Variants in MAPK6 observed in about 807,000 individuals in gnomAD.
MAPK6 encodes the protein ERK-3.
A neutral mutation model predicts 59.3 loss-of-function variants in MAPK6; 19 were observed. That is an observed-to-expected ratio of 0.32 (90% CI 0.22 to 0.47). The LOEUF (loss-of-function observed/expected upper bound fraction) is 0.47. Ranked by LOEUF, MAPK6 falls within the 20% of genes least tolerant of loss-of-function variation. MAPK6 has a pLI of 1.00. For missense variants in MAPK6, 724 were observed against 847.9 expected (o/e 0.85, Z 1.81); for synonymous variants, 316 against 290.3 (o/e 1.09, Z -0.90).
chr15:51,993,175 C>T (rs2057215009), intron 2 of MAPK6, among the ~76,000 whole-genome samples: 1 of 152,266 alleles, frequency 6.6e-6, no homozygotes, highest in East Asian at 1.9e-4. Context: ...ATGCACCAAT[C>T]AGAGGAATTT....
chr15:51,993,644 A>G (rs2057216197), intron 2 of MAPK6, among the ~76,000 whole-genome samples: 1 of 152,192 alleles, frequency 6.6e-6, no homozygotes, highest in Admixed American at 6.6e-5. Context: ...AAAAGTTTAT[A>G]TATATAAATG....
In MAPK6 at chr15:52,038,103, C is replaced by T. The variant is rs1220285334; in HGVS notation, c.-631-7727C>T. Among the ~76,000 whole-genome samples the T allele has an allele frequency of 2.0e-5, 3 of 150,838 alleles. 1 individual carries two copies. In the East Asian group the frequency reaches 5.8e-4, roughly 29 times the overall value. ...GAAATGTTAGATAGGGAGGAATCCA[C>T]TACATGCCCCTGTGCTCCAGGAGTA... On this transcript the variant is annotated intron_variant, in intron 1 of 5. Coordinates refer to ENST00000261845, the MANE Select transcript of MAPK6 (RefSeq NM_002748.4).
intron 3 of MAPK6, among the ~76,000 whole-genome samples, chr15:52,051,412 G>A (rs2031775973): frequency 7.5e-6 from 1 of 133,656 alleles, no homozygotes. Flanking sequence ...GCTAAGAGCA[G>A]AAGGAAAGGA....
Position 52,065,913 on chromosome 15 carries a change from A to G in MAPK6, c.*913A>G, listed in dbSNP as rs1825895107. 6.6e-6 allele frequency: 1 copy of G among 152,614 alleles called. No homozygotes were observed. The highest frequency in any genetic ancestry group is 2.4e-5 in the African/African-American group (1 of 41,448). The allele number at this position is 152,614 out of a possible 1,614,324, so 9.5% of individuals were successfully genotyped here. On this transcript the variant is annotated 3_prime_UTR_variant, in exon 6 of 6. Transcript: ENST00000261845. ...TTTGGAGGTGCTTGATCTATCTACAAAGAAAAATTAATTAGGAATTACTTT... is the reference window on the plus strand; with the variant it reads ...TTTGGAGGTGCTTGATCTATCTACAGAGAAAAATTAATTAGGAATTACTTT...
rs2032414177 is a variant in MAPK6 at position 52,066,087 on chromosome 15, T to C, written c.*1087T>C. The C allele has an allele frequency of 6.6e-6, 1 of 152,670 alleles. No individual in the cohort carries two copies. 9.5% of individuals were successfully genotyped at this position (152,670 alleles called of 1,614,324 possible). A position where few individuals can be genotyped will look rare whatever the true frequency, so the allele number is the denominator to read the frequency against. ...ACATTTTGTTTTTACTGTATGTTTT[T>C]ACTGAATGATCTATTCCCCATCCCA... On this transcript the variant is annotated 3_prime_UTR_variant, in exon 6 of 6. Coordinates refer to ENST00000261845, the MANE Select transcript of MAPK6 (RefSeq NM_002748.4).
intron 3 of MAPK6, among the ~76,000 whole-genome samples, chr15:52,006,468 T>A (rs1014509827): frequency 6.6e-6 from 1 of 152,184 alleles, no homozygotes; most frequent in Non-Finnish European, 1.5e-5. Context: ...TCAACTAACA[T>A]TTTTTTGAGA....
chr15:52,028,078 G>A (rs140362195), intron 1 of MAPK6, among the ~76,000 whole-genome samples: 16 of 147,238 alleles, frequency 1.1e-4, no homozygotes, highest in African/African-American at 3.3e-4. Context: ...TCAGCTTTCC[G>A]AGTAGCTGGG....
At chr15:52,063,165 A>G (rs146552514) in intron 5 of MAPK6, among the ~76,000 whole-genome samples, 1 of 152,258 alleles carries the variant, frequency 6.6e-6, no homozygotes, top group Non-Finnish European at 1.5e-5. Flanking sequence ...CCTGAGTTCA[A>G]GCAGTTCTCC....
chr15:51,974,627 C>T (rs1201180963), intron 1 of MAPK6, among the ~76,000 whole-genome samples: 1 of 139,008 alleles, frequency 7.2e-6, no homozygotes, highest in Non-Finnish European at 1.5e-5. Flanking sequence ...CCACTGCACC[C>T]GAGCCTGGGA....
chr15:52,025,177 G>T (rs2030718759), intron 1 of MAPK6, among the ~76,000 whole-genome samples: 1 of 151,974 alleles, frequency 6.6e-6, no homozygotes, highest in Non-Finnish European at 1.5e-5. Flanking sequence ...GGAGGTTGAG[G>T]CTGCAGTGAG....
chr15:52,049,573 C>G, intron 2 of MAPK6, among the ~76,000 whole-genome samples: 1 of 151,514 alleles, frequency 6.6e-6, no homozygotes, highest in Non-Finnish European at 1.5e-5. Context: ...AGTGATCCAC[C>G]TACCTCGGCC....
intron 1 of MAPK6, among the ~76,000 whole-genome samples, chr15:52,023,887 C>T (rs899512667): frequency 3.9e-5 from 6 of 152,184 alleles, no homozygotes; most frequent in East Asian, 3.8e-4. Flanking sequence ...GCTGGGATTA[C>T]GGGCATGAGC....
chr15:52,015,335 C>T (rs1200958974), upstream of MAPK6, among the ~76,000 whole-genome samples: 4 of 151,206 alleles, frequency 2.6e-5, no homozygotes, highest in Non-Finnish European at 3.0e-5. Flanking sequence ...TTAGTAGAGA[C>T]GGGGTTTCAC....
At chr15:52,028,743 T>A (rs77445014) in intron 1 of MAPK6, among the ~76,000 whole-genome samples, 2,624 of 152,312 alleles carry the variant, frequency 0.017, 73 homozygotes, top group African/African-American at 0.06. Context: ...TTCCACATTA[T>A]TCTCTAGCTA....
chr15:52,028,568 T>A (rs1050161565), intron 1 of MAPK6, among the ~76,000 whole-genome samples: 2 of 152,170 alleles, frequency 1.3e-5, no homozygotes, highest in Admixed American at 1.3e-4. Flanking sequence ...ATTTAAAAAA[T>A]TTAGGTCCTC....
intron 2 of MAPK6, among the ~76,000 whole-genome samples, chr15:51,987,732 G>A (rs1014041375): frequency 5.4e-5 from 8 of 148,916 alleles, no homozygotes; most frequent in African/African-American, 7.4e-5. Context: ...GCACTTACTC[G>A]TAGATTTGAT....
intron 3 of MAPK6, 24 bp from the exon 4 acceptor site, chr15:52,058,609 T>A (rs2032075919): frequency 8.9e-6 from 14 of 1,566,736 alleles, no homozygotes; most frequent in Non-Finnish European, 1.1e-5. Context: ...GGAATGTGTT[T>A]TTTTGTTTGT....
intron 1 of MAPK6, among the ~76,000 whole-genome samples, chr15:51,981,486 A>G (rs1027076605): frequency 6.6e-6 from 1 of 151,966 alleles, no homozygotes; most frequent in African/African-American, 2.4e-5. Context: ...AAAAAAAAGA[A>G]AAAGAAAAAA....
chr15:52,031,113 TAG>T (rs1566904955), intron 1 of MAPK6, among the ~76,000 whole-genome samples: 1 of 151,964 alleles, frequency 6.6e-6, no homozygotes, highest in Non-Finnish European at 1.5e-5. Context: ...GTATTTTTAG[TAG>T]AGAGACAGGG....
Sources: allele counts gnomAD v4.1 joint callset (sites outside exome capture counted in the v4.1 genomes callset), GRCh38; gene constraint gnomAD v4.1.1; transcripts MANE v1.5; gene names NCBI Gene and HGNC (gene_info 2026-07-23, HGNC 2026-07-21).